RSPH6A: variants seen among roughly 807,000 people sequenced by gnomAD.
RSPH6A encodes the protein radial spoke head 6 homolog A.
RSPH6A carries 49 observed loss-of-function variants against 66.1 expected under a neutral mutation model. That is an observed-to-expected ratio of 0.74 (90% CI 0.59 to 0.94). The LOEUF is 0.94. RSPH6A is among the 40% of genes least tolerant of loss of function. RSPH6A has a pLI of 0.00. For missense variants in RSPH6A, 977 were observed against 948.3 expected (o/e 1.03, Z -0.40); for synonymous variants, 419 against 402.4 (o/e 1.04, Z -0.49).
intron 2 of RSPH6A, among the ~76,000 whole-genome samples, chr19:45,809,420 T>C (rs932451420): frequency 6.7e-6 from 1 of 149,136 alleles, no homozygotes; most frequent in African/African-American, 2.5e-5. Context: ...TTCTCCTGCC[T>C]CAGCCTCCCT....
intron 1 of RSPH6A, among the ~76,000 whole-genome samples, chr19:45,813,406 C>T (rs148670656): frequency 0.028 from 4,267 of 152,170 alleles, 208 homozygotes; most frequent in African/African-American, 0.096. Context: ...TGCAGTGGCA[C>T]GATCTCGGCT....
intron 2 of RSPH6A, among the ~76,000 whole-genome samples, chr19:45,809,855 G>C (rs1970599067): frequency 6.6e-6 from 1 of 152,258 alleles, no homozygotes; most frequent in Admixed American, 6.5e-5. Flanking sequence ...GTCCTGGCTA[G>C]CCGTCTGGAA....
rs778832435 is a variant in RSPH6A at position 45,815,221 on chromosome 19, A to G, written c.-45T>C. 4.0e-6 allele frequency: 6 copies of G among 1,501,658 alleles called. No individual in the cohort carries two copies. Among genetic ancestry groups the G allele is most frequent in the Non-Finnish European group, 5.3e-6 (6 of 1,129,594 alleles). The allele number at this position is 1,501,658 out of a possible 1,614,324, so 93.0% of individuals were successfully genotyped here. A position where few individuals can be genotyped will look rare whatever the true frequency, so the allele number is the denominator to read the frequency against. On this transcript the variant is annotated 5_prime_UTR_variant, in exon 1 of 6. Transcript: ENST00000221538. The stretch of plus-strand genomic sequence containing the variant: ...ATCTCTAGGAGAAAGGCTTGCAGAC[A>G]AGGAGGCCAAGCGAGAGCCACCTGT...
intron 2 of RSPH6A, 29 bp from the exon 3 acceptor site, chr19:45,805,045 G>A: frequency 6.4e-7 from 1 of 1,559,554 alleles, no homozygotes; most frequent in Non-Finnish European, 8.7e-7. Context: ...AGGGCAGAGG[G>A]GAGAATGCTG....
rs185016240 is a variant in RSPH6A, at chr19:45,798,619, A to C, written c.1916+1827T>G. ...TTTGGGAGGCCGAGGTGGGCGGATC[A>C]TGAGGTCAGGAGATTGAGACCATCC... On this transcript the variant is annotated intron_variant, in intron 5 of 5. Coordinates refer to ENST00000221538, the MANE Select transcript of RSPH6A (RefSeq NM_030785.4). Among the ~76,000 whole-genome samples, 120 of 151,134 alleles carry C rather than the reference A, an allele frequency of 7.9e-4. 2 individuals are homozygous for C. Among genetic ancestry groups the C allele is most frequent in the African/African-American group, 2.8e-3 (114 of 41,170 alleles).
chr19:45,798,004 G>A (rs1970426624), intron 5 of RSPH6A, among the ~76,000 whole-genome samples: 1 of 152,152 alleles, frequency 6.6e-6, no homozygotes, highest in Non-Finnish European at 1.5e-5. Flanking sequence ...GAAGGAAGAG[G>A]AATAGATGGG....
At chr19:45,802,016 G>A in intron 4 of RSPH6A, 104 bp downstream of exon 4, 1 of 1,187,506 alleles carries the variant, frequency 8.4e-7, no homozygotes, top group Admixed American at 3.3e-5. Flanking sequence ...CTCTGAGCCT[G>A]GGAGGGAAGG....
chr19:45,811,469 G>A (rs527877617), intron 1 of RSPH6A, among the ~76,000 whole-genome samples: 2 of 151,954 alleles, frequency 1.3e-5, no homozygotes, highest in South Asian at 4.2e-4. Flanking sequence ...AGGAGGTCTC[G>A]CTGTGTTGCC....
chr19:45,812,024 G>A (rs545558126), intron 1 of RSPH6A, among the ~76,000 whole-genome samples: 17 of 151,258 alleles, frequency 1.1e-4, no homozygotes, highest in African/African-American at 3.9e-4. Context: ...CAGGTGATCC[G>A]CCCGTCTTGG....
rs1244534208 is a variant in RSPH6A, at chr19:45,815,211, G to A, written c.-35C>T. The A allele has an allele frequency of 6.5e-7, 1 of 1,530,172 alleles. No individual in the cohort carries two copies. The highest frequency in any genetic ancestry group is 8.7e-7 in the Non-Finnish European group (1 of 1,143,936). The allele number at this position is 1,530,172 out of a possible 1,614,324, so 94.8% of individuals were successfully genotyped here. A position where few individuals can be genotyped will look rare whatever the true frequency, so the allele number is the denominator to read the frequency against. On this transcript the variant is annotated 5_prime_UTR_variant, in exon 1 of 6. Transcript: ENST00000221538. ...GGAGGCACAGATCTCTAGGAGAAAG[G>A]CTTGCAGACAAGGAGGCCAAGCGAG... is the stretch of plus-strand genomic sequence containing the variant.
chr19:45,814,438 C>G, intron 1 of RSPH6A, 89 bp downstream of exon 1: 1 of 1,232,434 alleles, frequency 8.1e-7, no homozygotes. Flanking sequence ...GAGGGATGAT[C>G]CCTTGTCTGA....
intron 3 of RSPH6A, among the ~76,000 whole-genome samples, chr19:45,803,993 CA>C (rs55863032): frequency 0.4 from 40,636 of 102,686 alleles, 4,522 homozygotes; most frequent in Admixed American, 0.48. Flanking sequence ...GACTCTGTCT[CA>C]AAAAAAAAAA....
chr19:45,812,953 C>T (rs995864464), intron 1 of RSPH6A, among the ~76,000 whole-genome samples: 1 of 152,050 alleles, frequency 6.6e-6, no homozygotes, highest in Non-Finnish European at 1.5e-5. Flanking sequence ...GCCTCAGCCT[C>T]CCAAAGTGCT....
chr19:45,796,173 T>G, intron 5 of RSPH6A, 67 bp from the exon 6 acceptor site: 2 of 1,328,132 alleles, frequency 1.5e-6, no homozygotes, highest in Non-Finnish European at 2.1e-6. Context: ...TTTTTTTTTT[T>G]TTTTTGAGAT....
Position 45,815,265 on chromosome 19 carries a change from A to T in RSPH6A, c.-89T>A. On this transcript the variant is annotated 5_prime_UTR_variant, in exon 1 of 6. Coordinates refer to ENST00000221538, the MANE Select transcript of RSPH6A (RefSeq NM_030785.4). Reference sequence around the variant, plus strand: ...CACCTGTCGACACCGCCGGTTTCTGAGCACCGAGAGAGGGGGCCGTTACCC... The same window carrying T: ...CACCTGTCGACACCGCCGGTTTCTGTGCACCGAGAGAGGGGGCCGTTACCC... 7.3e-7 allele frequency: 1 copy of T among 1,369,072 alleles called. No individual in the cohort carries two copies. Among genetic ancestry groups the T allele is most frequent in the Non-Finnish European group, 9.7e-7 (1 of 1,034,048 alleles). 84.8% of individuals were successfully genotyped at this position (1,369,072 alleles called of 1,614,324 possible). A position where few individuals can be genotyped will look rare whatever the true frequency, so the allele number is the denominator to read the frequency against.
intron 4 of RSPH6A, 137 bp from the exon 5 acceptor site, chr19:45,800,700 G>T: frequency 3.3e-6 from 2 of 604,676 alleles, no homozygotes; most frequent in East Asian, 3.0e-5. Context: ...CCAACAGCTC[G>T]GGCTGCGGTG....
Position 45,810,848 on chromosome 19 carries a change from C to A in RSPH6A, c.651-8G>T. The A allele has an allele frequency of 6.2e-7, 1 of 1,600,900 alleles. No individual in the cohort carries two copies. The highest frequency in any genetic ancestry group is 8.5e-7 in the Non-Finnish European group (1 of 1,170,268). On this transcript the variant is annotated splice_polypyrimidine_tract_variant and splice_region_variant and intron_variant, in intron 1 of 5. Coordinates refer to ENST00000221538, the MANE Select transcript of RSPH6A (RefSeq NM_030785.4). ...TTCACCAGGTGCTCGTACCTGCCTC[C>A]CGCAGGAGGAGTGGGAGGAGAGGGA...
At position 45,804,909 on chromosome 19, in the gene RSPH6A, C is replaced by G. The variant is rs773517937; in HGVS notation, c.996G>C (p.Gln332His). 1.2e-6 allele frequency: 2 copies of G among 1,614,256 alleles called. No homozygotes were observed. The highest frequency in any genetic ancestry group is 2.2e-5 in the South Asian group (2 of 91,088). ...TGTGGATGGGCTGCTGCTCCACCAG[C>G]TGTTTCATGGCCAGGAAAATGCGGA... ...ESFRIFLAMK[Q>H]LVEQQPIHTC... The change falls in exon 3 of 6, where the codon CAG becomes CAC. Residue 332 changes from glutamine (Q) to histidine (H), a missense_variant. Coordinates refer to ENST00000221538, the MANE Select transcript of RSPH6A (RefSeq NM_030785.4). The surrounding 1 kb of genome is among the most constrained non-coding windows in gnomAD (Gnocchi z 5.8).
chr19:45,808,568 G>A (rs955369605), intron 2 of RSPH6A, among the ~76,000 whole-genome samples: 1 of 151,620 alleles, frequency 6.6e-6, no homozygotes, highest in African/African-American at 2.4e-5. Context: ...ATTCCAGCCT[G>A]CGTGACAGAA....
Sources: allele counts gnomAD v4.1 joint callset (sites outside exome capture counted in the v4.1 genomes callset), GRCh38; gene constraint gnomAD v4.1.1; non-coding constraint Gnocchi (gnomAD v3.1); transcripts MANE v1.5; gene names NCBI Gene and HGNC (gene_info 2026-07-23, HGNC 2026-07-21).